RSL1D1: variants seen among roughly 807,000 people sequenced by gnomAD.
RSL1D1 encodes ribosomal L1 domain containing 1, also known as ribosomal L1 domain-containing protein 1.
Under a neutral mutation model 44.6 loss-of-function variants are expected in RSL1D1, and 34 were observed. That is an observed-to-expected ratio of 0.76 (90% confidence interval 0.58 to 1.02). RSL1D1 has a LOEUF of 1.02. Among genes scored for constraint, RSL1D1 ranks in the 50% least tolerant of loss-of-function variants. RSL1D1 has a pLI of 0.00. For synonymous variants in RSL1D1, 271 were observed against 207.4 expected, an observed-to-expected ratio of 1.31 and a Z score of -2.63; for missense variants, 767 against 568.1, an observed-to-expected ratio of 1.35 and a Z score of -3.56.
chr16:11,848,146 G>T (rs1428664354), intron 2 of RSL1D1, among the ~76,000 whole-genome samples: 1 of 152,064 alleles, frequency 6.6e-6, no homozygotes, highest in Non-Finnish European at 1.5e-5. Context: ...CCAGCTACTT[G>T]AGAGTCTGAG....
rs1451666326 is a variant in RSL1D1, at chr16:11,846,709, G to C, written c.519C>G (p.Phe173Leu). The change falls in exon 4 of 9, where the codon TTC (phenylalanine) becomes TTG (leucine). Residue 173 changes from phenylalanine (F) to leucine (L), a missense_variant. Physicochemically the swap from Phe to Leu is conservative, Grantham distance 22. Coordinates refer to ENST00000571133, the MANE Select transcript of RSL1D1 (RefSeq NM_015659.3). ...RLLPSLIGRHFYQRKKVPVSV... is the reference protein window; with the variant it reads ...RLLPSLIGRHLYQRKKVPVSV... ...AAGAAACTTACTTCTTTCTTTGATAGAAATGTCTCCCAATGAGTGAGGGTA... is the reference window on the plus strand; with the variant it reads ...AAGAAACTTACTTCTTTCTTTGATACAAATGTCTCCCAATGAGTGAGGGTA... The C allele has an allele frequency of 6.2e-7, 1 of 1,613,940 alleles. No individual in the cohort carries two copies. The highest frequency in any genetic ancestry group is 8.5e-7 in the Non-Finnish European group (1 of 1,179,966).
rs762471100 is a variant in RSL1D1 at position 11,841,937 on chromosome 16, G to A, written c.699C>T (p.Val233=). 2 of 1,613,842 alleles carry A rather than the reference G, an allele frequency of 1.2e-6. No individual in the cohort carries two copies. Among genetic ancestry groups the A allele is most frequent in the African/African-American group, 2.7e-5 (2 of 74,910 alleles). ...IEHIIENIVA[V]TKGLSEKLPE... is the part of the protein sequence containing the mutation. ...GCAATTTTTCTGAAAGTCCTTTGGT[G>A]ACAGCAACAATGTTTTCAATGATGT... Residue 233 remains valine (V), a synonymous_variant, in exon 6 of 9, where the codon GTC becomes GTT. Coordinates refer to ENST00000571133, the MANE Select transcript of RSL1D1 (RefSeq NM_015659.3).
At chr16:11,845,885 CT>C (rs2053794072) in intron 5 of RSL1D1, among the ~76,000 whole-genome samples, 5 of 151,888 alleles carry the variant, frequency 3.3e-5, no homozygotes, top group African/African-American at 1.2e-4. Flanking sequence ...CCACACCTGA[CT>C]AATGTTCTTG....
rs1034230438 is a variant in RSL1D1, at chr16:11,837,610, A to G, written c.*177T>C. On this transcript the variant is annotated 3_prime_UTR_variant, in exon 9 of 9. Coordinates refer to ENST00000571133, the MANE Select transcript of RSL1D1 (RefSeq NM_015659.3). ...TGTGATCCGCCTGCCTCGGCCTCCC[A>G]AAGTGCTGGGATTACAGGCGTGAGC... 3.5e-6 allele frequency: 2 copies of G among 576,524 alleles called. No individual in the cohort carries two copies. Among genetic ancestry groups the G allele is most frequent in the Non-Finnish European group, 6.1e-6 (2 of 328,452 alleles). The allele number at this position is 576,524 out of a possible 1,614,324, so 35.7% of individuals were successfully genotyped here.
rs2053802256 is a variant in RSL1D1, at chr16:11,846,828, T to A, written c.400A>T (p.Thr134Ser). 1 of 1,609,782 alleles carries A rather than the reference T, an allele frequency of 6.2e-7. No homozygotes were observed. The highest frequency in any genetic ancestry group is 1.7e-5 in the Admixed American group (1 of 59,946). ...KTVSQIISLQ[T>S]LKKEYKSYEA... is the part of the protein sequence containing the mutation. Reference sequence around the variant, plus strand: ...TAGGATTTATATTCCTTCTTTAGAGTTTGGAGGGAGATAATCTAGGAAGTA... The same window carrying A: ...TAGGATTTATATTCCTTCTTTAGAGATTGGAGGGAGATAATCTAGGAAGTA... The change falls in exon 4 of 9, where the codon ACT becomes TCT. Residue 134 changes from threonine (T) to serine (S), a missense_variant. Transcript: ENST00000571133.
chr16:11,846,581 A>T lies in RSL1D1; in HGVS notation c.555T>A (p.Leu185=). 6.2e-7 allele frequency: 1 copy of T among 1,609,756 alleles called. No individual in the cohort carries two copies. The highest frequency in any genetic ancestry group is 8.5e-7 in the Non-Finnish European group (1 of 1,177,194). The change falls in exon 5 of 9, where the codon CTT becomes CTA. Residue 185 remains leucine, a synonymous_variant. Coordinates refer to ENST00000571133, the MANE Select transcript of RSL1D1 (RefSeq NM_015659.3). ...TCTCTCTTGATAAATTCTTGGACAG[A>T]AGGTTTACAGATACTGGAACTCTAC... The part of the protein sequence containing the change: ...QRKKVPVSVN[L]LSKNLSREIN...
chr16:11,845,432 T>C (rs1316635844), intron 5 of RSL1D1, among the ~76,000 whole-genome samples: 1 of 152,204 alleles, frequency 6.6e-6, no homozygotes, highest in Non-Finnish European at 1.5e-5. Context: ...AGTGGCACGA[T>C]AAAGGACAAG....
chr16:11,846,854 TAG>T lies in RSL1D1; in HGVS notation c.385-13_385-12del, dbSNP rs776816327. 28 of 1,582,084 alleles carry T rather than the reference TAG, an allele frequency of 1.8e-5. No individual in the cohort carries two copies. The highest frequency in any genetic ancestry group is 2.3e-5 in the Non-Finnish European group (27 of 1,158,260). On this transcript the variant is annotated splice_polypyrimidine_tract_variant and intron_variant, in intron 3 of 8. Transcript: ENST00000571133. ...TTGGAGGGAGATAATCTAGGAAGTA[TAG>T]AGAAGAATAAAAACAAGAAGTTAGG...
At position 11,845,890 on chromosome 16, in the gene RSL1D1, GTTC is replaced by G. The variant is rs540320272; in HGVS notation, c.635+608_635+610del. ...GGATGCACCACCACACCTGACTAAT[GTTC>G]TTGATTTTTCTGTAATTGGCTGGGG... On this transcript the variant is annotated intron_variant, in intron 5 of 8. Coordinates refer to ENST00000571133, the MANE Select transcript of RSL1D1 (RefSeq NM_015659.3). 3.3e-5 allele frequency among the ~76,000 whole-genome samples: 5 copies of G among 151,790 alleles called. No homozygotes were observed. In the South Asian group the frequency reaches 1.0e-3, roughly 32 times the overall value.
At chr16:11,842,249 C>T (rs1567418967) in intron 5 of RSL1D1, among the ~76,000 whole-genome samples, 1 of 151,818 alleles carries the variant, frequency 6.6e-6, no homozygotes, top group Non-Finnish European at 1.5e-5. Context: ...ATCACCTGAG[C>T]CCAGGAGCTC....
intron 5 of RSL1D1, 114 bp from the exon 6 acceptor site, chr16:11,842,114 A>G: frequency 5.1e-6 from 4 of 780,576 alleles, no homozygotes; most frequent in Non-Finnish European, 7.9e-6. Flanking sequence ...TTTTCTTTTA[A>G]AAAGGTAGAA....
rs907277504 is a variant in RSL1D1, at chr16:11,834,713, T to C, written c.*3074A>G. Reference sequence around the variant, plus strand: ...TTAAGCTAAACCCCCACATTTTAGATGTATATTCATTTATAGAAGCCCAAA... The same window carrying C: ...TTAAGCTAAACCCCCACATTTTAGACGTATATTCATTTATAGAAGCCCAAA... On this transcript the variant is annotated 3_prime_UTR_variant, in exon 9 of 9. Coordinates refer to ENST00000571133, the MANE Select transcript of RSL1D1 (RefSeq NM_015659.3). 6.6e-6 allele frequency: 1 copy of C among 152,252 alleles called. No individual in the cohort carries two copies. The highest frequency in any genetic ancestry group is 2.4e-5 in the African/African-American group (1 of 41,476). 9.4% of individuals were successfully genotyped at this position (152,252 alleles called of 1,614,324 possible). A position where few individuals can be genotyped will look rare whatever the true frequency, so the allele number is the denominator to read the frequency against.
Position 11,850,259 on chromosome 16 carries a change from G to C in RSL1D1, c.245+20C>G, listed in dbSNP as rs201937818. 1 of 1,558,168 alleles carries C rather than the reference G, an allele frequency of 6.4e-7. No homozygotes were observed. The highest frequency in any genetic ancestry group is 2.3e-5 in the East Asian group (1 of 42,868). On this transcript the variant is annotated intron_variant, in intron 2 of 8. Transcript: ENST00000571133. ...TAAACACACAGATAAAAACAGCAAA[G>C]GTAGAAAATCACAACTTACAATCTG...
At chr16:11,848,513 A>T (rs559595409) in intron 2 of RSL1D1, among the ~76,000 whole-genome samples, 1 of 152,194 alleles carries the variant, frequency 6.6e-6, no homozygotes, top group African/African-American at 2.4e-5. Context: ...CTCCATAAAC[A>T]TAATAACTCT....
chr16:11,849,422 G>GA (rs2053821222), intron 2 of RSL1D1: 1 of 148,308 alleles, frequency 6.7e-6, no homozygotes, highest in African/African-American at 2.5e-5. Context: ...TAAAAGAATC[G>GA]AAACCAAAAA....
intron 7 of RSL1D1, 159 bp downstream of exon 7, chr16:11,841,536 G>A: frequency 1.6e-6 from 1 of 612,530 alleles, no homozygotes. Flanking sequence ...AGTGACAAAA[G>A]CATACCCATT....
chr16:11,840,164 C>T (rs2053755498), intron 7 of RSL1D1, among the ~76,000 whole-genome samples, 179 bp from the exon 8 acceptor site: 1 of 152,176 alleles, frequency 6.6e-6, no homozygotes, highest in South Asian at 2.1e-4. Context: ...GACTCACAGC[C>T]AAACATGCAT....
In RSL1D1 at chr16:11,846,757, A is replaced by T; in HGVS notation, c.471T>A (p.Thr157=). Residue 157 remains threonine, a synonymous_variant, in exon 4 of 9, where the codon ACT becomes ACA. Transcript: ENST00000571133. ...GTAAGAGCCGCCTAATTCTGGCATC[A>T]GTAAGGAAGAAATCAAAACTGCTCA... ...RLLSSFDFFL[T]DARIRRLLPS... is the part of the protein sequence containing the mutation. The T allele has an allele frequency of 1.2e-6, 2 of 1,613,990 alleles. No individual in the cohort carries two copies. The highest frequency in any genetic ancestry group is 1.7e-6 in the Non-Finnish European group (2 of 1,179,896).
intron 1 of RSL1D1, 107 bp from the exon 2 acceptor site, chr16:11,850,525 C>G (rs942570186): frequency 1.8e-6 from 2 of 1,129,538 alleles, no homozygotes; most frequent in Non-Finnish European, 1.2e-6. Context: ...CCCACACCTT[C>G]TATTTTTTCC....
Sources: allele counts gnomAD v4.1 joint callset (sites outside exome capture counted in the v4.1 genomes callset), GRCh38; gene constraint gnomAD v4.1.1; transcripts MANE v1.5; gene names NCBI Gene and HGNC (gene_info 2026-07-23, HGNC 2026-07-21).